The following HSPG2 variants were observed in gnomAD, a reference collection of about 807,000 sequenced individuals.
HSPG2 encodes the protein heparan sulfate proteoglycan 2.
A neutral mutation model predicts 526.6 loss-of-function variants in HSPG2; 278 were observed. The ratio of observed to expected loss-of-function variants is 0.53; its 90% CI spans 0.48 to 0.58. The LOEUF is 0.58. Ranked by LOEUF, HSPG2 falls within the 20% of genes least tolerant of loss-of-function variation. The pLI, the probability that HSPG2 is intolerant of heterozygous loss-of-function variation, is 0.00. For missense variants in HSPG2, 5,354 were observed against 6,099.5 expected (o/e 0.88, Z 4.07); for synonymous variants, 2,465 against 2,555.4 (o/e 0.96, Z 1.07).
intron 45 of HSPG2, 25 bp from the exon 46 acceptor site, chr1:21,855,700 A>G (rs1639286735): frequency 1.3e-6 from 2 of 1,585,488 alleles, no homozygotes; most frequent in African/African-American, 2.7e-5. Context: ...TGGGGTCAGC[A>G]CCCACCAAGC....
At chr1:21,908,845 G>C (rs1290077344) in intron 1 of HSPG2, among the ~76,000 whole-genome samples, 1 of 152,216 alleles carries the variant, frequency 6.6e-6, no homozygotes, top group African/African-American at 2.4e-5. Context: ...GTCAGGACAG[G>C]CTGGGTGCGG....
Position 21,854,193 on chromosome 1 carries a change from CT to C in HSPG2, c.6438del (p.Val2147CysfsTer25). ...GGCCCAGCCACACCTGGCTCCTCAC[CT>C]GGGGTGTAGCTGGGGCCAGAATGGG... is the stretch of plus-strand genomic sequence containing the variant. ...HGTHSGPSYTPVPGSTRPIRI... is the reference protein window; with the variant it reads ...HGTHSGPSYTXVPGSTRPIRI... On this transcript the variant is annotated frameshift_variant and splice_region_variant, in exon 50 of 97. Transcript: ENST00000374695. LOFTEE classifies it high-confidence loss of function. 6.3e-7 allele frequency: 1 copy of C among 1,585,978 alleles called. No individual in the cohort carries two copies. Among genetic ancestry groups the C allele is most frequent in the Non-Finnish European group, 8.6e-7 (1 of 1,164,948 alleles).
chr1:21,878,698 G>T, intron 18 of HSPG2, 35 bp from the exon 19 acceptor site: 2 of 1,582,302 alleles, frequency 1.3e-6, no homozygotes, highest in Non-Finnish European at 1.7e-6. Context: ...ATGGGGCAGG[G>T]CTGGGGTCAG....
At chr1:21,927,630 T>TGCAG (rs1644240142) in intron 1 of HSPG2, among the ~76,000 whole-genome samples, 1 of 152,064 alleles carries the variant, frequency 6.6e-6, no homozygotes, top group Admixed American at 6.5e-5. Context: ...GCCCACCAAC[T>TGCAG]GCACACATCT....
In HSPG2 at chr1:21,836,878, G is replaced by A. The variant is rs1369025054; in HGVS notation, c.10279C>T (p.Arg3427Trp). ...TTGAACCAACGGAGCTGGGTACCCCGGTCGCTGGGCACAGCACAGTGGAAC... is the reference window on the plus strand; with the variant it reads ...TTGAACCAACGGAGCTGGGTACCCCAGTCGCTGGGCACAGCACAGTGGAAC... ...VEFHCAVPSDRGTQLRWFKEG... is the reference protein window; with the variant it reads ...VEFHCAVPSDWGTQLRWFKEG... The change falls in exon 75 of 97, where the codon CGG becomes TGG. Residue 3427 changes from arginine to tryptophan, a missense_variant. Physicochemically the swap from Arg to Trp is moderately radical, Grantham distance 101 (BLOSUM62 -3). Transcript: ENST00000374695. The A allele has an allele frequency of 5.1e-6, 8 of 1,575,312 alleles. No individual in the cohort carries two copies. In the East Asian group the frequency reaches 1.2e-4, roughly 23 times the overall value.
chr1:21,891,904 T>C (rs770542929), intron 3 of HSPG2, among the ~76,000 whole-genome samples: 12 of 152,254 alleles, frequency 7.9e-5, no homozygotes, highest in Non-Finnish European at 1.2e-4. Flanking sequence ...GCACCGACTA[T>C]ATATGAGACA....
chr1:21,855,647 C>A lies in HSPG2; in HGVS notation c.5730G>T (p.Lys1910Asn). The change falls in exon 46 of 97, where the codon AAG (lysine) becomes AAT (asparagine). Residue 1910 changes from lysine (K) to asparagine (N), a missense_variant. Physicochemically the swap from Lys to Asn is moderately conservative, Grantham distance 94. Coordinates refer to ENST00000374695, the MANE Select transcript of HSPG2 (RefSeq NM_005529.7). ...GCAGGATGCCGCCGTGGATTTGTGC[C>A]TTCGCAGGGAGCTGGCCGCCGGGGC... Reference protein sequence around the residue: ...TGGPGGQLPAKAQIHGGILRL... With the variant: ...TGGPGGQLPANAQIHGGILRL... 1 of 1,575,368 alleles carries A rather than the reference C, an allele frequency of 6.3e-7. No individual in the cohort carries two copies.
intron 71 of HSPG2, among the ~76,000 whole-genome samples, chr1:21,840,275 C>G (rs1401033006): frequency 6.6e-6 from 1 of 151,944 alleles, no homozygotes. Flanking sequence ...ATAGCTGGGA[C>G]TACAGGTATG....
intron 1 of HSPG2, among the ~76,000 whole-genome samples, chr1:21,929,411 C>CT (rs1046354414): frequency 5.9e-4 from 86 of 145,082 alleles, no homozygotes; most frequent in Admixed American, 1.9e-3. Flanking sequence ...ATTCTTTTTT[C>CT]TTTTTTTTTT....
chr1:21,936,411 G>T (rs547665407), intron 1 of HSPG2, among the ~76,000 whole-genome samples: 59 of 152,306 alleles, frequency 3.9e-4, no homozygotes, highest in African/African-American at 1.4e-3. Flanking sequence ...GTCCCCCAAG[G>T]GTGCACTGCA....
At chr1:21,888,102 C>T (rs534393674) in intron 6 of HSPG2, 36 bp from the exon 7 acceptor site, 14 of 1,612,560 alleles carry the variant, frequency 8.7e-6, no homozygotes, top group East Asian at 4.5e-5. Flanking sequence ...GAGTCAGAGG[C>T]GGCAGGAGGC....
chr1:21,914,085 G>A (rs1643805534), intron 1 of HSPG2, among the ~76,000 whole-genome samples: 1 of 152,200 alleles, frequency 6.6e-6, no homozygotes. Flanking sequence ...ATTAGAAAGA[G>A]AAGGGGGAAA....
chr1:21,901,858 C>A (rs1315704800), intron 1 of HSPG2, among the ~76,000 whole-genome samples: 4 of 152,172 alleles, frequency 2.6e-5, no homozygotes, highest in Non-Finnish European at 4.4e-5. Context: ...TGCCTCAGTG[C>A]CCCTTCCCCT....
rs551297340 is a variant in HSPG2, at chr1:21,881,229, G to T, written c.1818+110C>A. Reference sequence around the variant, plus strand: ...CGCTGCCACAGGGGGCTGCATCGGGGCATGGTAACACCTTTCCCTCCAAGT... The same window carrying T: ...CGCTGCCACAGGGGGCTGCATCGGGTCATGGTAACACCTTTCCCTCCAAGT... On this transcript the variant is annotated intron_variant, in intron 14 of 96. Transcript: ENST00000374695. 4.6e-6 allele frequency: 6 copies of T among 1,292,552 alleles called. No individual in the cohort carries two copies. In the South Asian group the frequency reaches 5.9e-5, roughly 13 times the overall value. 80.1% of individuals were successfully genotyped at this position (1,292,552 alleles called of 1,614,324 possible).
intron 76 of HSPG2, 37 bp downstream of exon 76, chr1:21,835,503 C>T: frequency 1.4e-6 from 2 of 1,381,918 alleles, no homozygotes. Context: ...CATCTCTGTT[C>T]CCTGCTCTTA....
chr1:21,884,384 T>C (rs1314092411), intron 13 of HSPG2, 144 bp downstream of exon 13: 1 of 1,187,292 alleles, frequency 8.4e-7, no homozygotes, highest in Non-Finnish European at 1.2e-6. Context: ...GAAATGCTTT[T>C]TTGACAGGGC....
intron 25 of HSPG2, 115 bp from the exon 26 acceptor site, chr1:21,875,117 C>T: frequency 2.5e-6 from 2 of 787,038 alleles, no homozygotes; most frequent in Non-Finnish European, 4.3e-6. Flanking sequence ...CACAGTGCTG[C>T]TGGGGCCCTG....
At chr1:21,926,783 AAAAAAG>A (rs1644206360) in intron 1 of HSPG2, among the ~76,000 whole-genome samples, 1 of 92,726 alleles carries the variant, frequency 1.1e-5, no homozygotes, top group African/African-American at 3.2e-5. Context: ...AAAAAAAAAA[AAAAAAG>A]AGAGAAAGAA....
chr1:21,898,097 G>A lies in HSPG2; in HGVS notation c.64-1787C>T, dbSNP rs948855974. Reference sequence around the variant, plus strand: ...AATGAATAAATGAACGGACAAAAACGGAATTCATCACCTATGAATTCCAGT... The same window carrying A: ...AATGAATAAATGAACGGACAAAAACAGAATTCATCACCTATGAATTCCAGT... On this transcript the variant is annotated intron_variant, in intron 1 of 96. Coordinates refer to ENST00000374695, the MANE Select transcript of HSPG2 (RefSeq NM_005529.7). This position sits in a 1 kb window ranked among gnomAD's most constrained non-coding sequence, Gnocchi z 4.0. Among the ~76,000 whole-genome samples, 7 of 152,128 alleles carry A rather than the reference G, an allele frequency of 4.6e-5. No homozygotes were observed. The highest frequency in any genetic ancestry group is 7.2e-5 in the African/African-American group (3 of 41,406).
Sources: allele counts gnomAD v4.1 joint callset (sites outside exome capture counted in the v4.1 genomes callset), GRCh38; gene constraint gnomAD v4.1.1; non-coding constraint Gnocchi (gnomAD v3.1); transcripts MANE v1.5; gene names NCBI Gene and HGNC (gene_info 2026-07-23, HGNC 2026-07-21).